The following RIMS1 variants were observed in gnomAD, a reference collection of about 807,000 sequenced individuals.
RIMS1 encodes the protein regulating synaptic membrane exocytosis 1.
RIMS1 carries 83 observed loss-of-function variants against 214.1 expected under a neutral mutation model. That is an observed-to-expected ratio of 0.39 (90% CI 0.32 to 0.47). The LOEUF is 0.47. Among genes scored for constraint, RIMS1 ranks in the 20% least tolerant of loss-of-function variants. The pLI is 0.99. For missense variants in RIMS1, 2,050 were observed against 2,161.8 expected (o/e 0.95, Z 1.03); for synonymous variants, 793 against 786.8 (o/e 1.01, Z -0.13).
chr6:72,147,582 A>G (rs1445635114), intron 4 of RIMS1, among the ~76,000 whole-genome samples: 2 of 152,172 alleles, frequency 1.3e-5, no homozygotes, highest in East Asian at 3.8e-4. Flanking sequence ...AGGGCCTCTC[A>G]TGTGTGTGTG....
intron 28 of RIMS1, among the ~76,000 whole-genome samples, chr6:72,327,539 G>A (rs2096521064): frequency 6.6e-6 from 1 of 151,732 alleles, no homozygotes; most frequent in African/African-American, 2.4e-5. Flanking sequence ...ACTTAGGAAT[G>A]GAATTGCTGG....
At chr6:72,049,568 A>G (rs1824036893) in intron 2 of RIMS1, among the ~76,000 whole-genome samples, 1 of 152,196 alleles carries the variant, frequency 6.6e-6, no homozygotes, top group African/African-American at 2.4e-5. Flanking sequence ...AGTTTCCCAA[A>G]TTGCTTAGGT....
At chr6:72,205,824 A>G (rs1367956565) in intron 6 of RIMS1, among the ~76,000 whole-genome samples, 5 of 152,154 alleles carry the variant, frequency 3.3e-5, no homozygotes, top group Non-Finnish European at 7.4e-5. Context: ...TCCAACAATA[A>G]GATACTGGTT....
At chr6:71,898,992 C>T (rs1772755144) in intron 1 of RIMS1, among the ~76,000 whole-genome samples, 2 of 152,036 alleles carry the variant, frequency 1.3e-5, no homozygotes, top group Admixed American at 1.3e-4. Context: ...TCCATGAGAA[C>T]TTATAATTAC....
chr6:72,103,732 C>A (rs532202263), intron 4 of RIMS1, among the ~76,000 whole-genome samples: 1 of 152,158 alleles, frequency 6.6e-6, no homozygotes, highest in Non-Finnish European at 1.5e-5. Flanking sequence ...TGAGGGACTG[C>A]CAAACTTTCC....
chr6:72,179,185 GTTCCTGGTAACATTTTTCTTTTTTT>G (rs371224698), intron 4 of RIMS1, among the ~76,000 whole-genome samples: 78 of 152,156 alleles, frequency 5.1e-4, no homozygotes, highest in African/African-American at 1.7e-3. Flanking sequence ...TGATTCTGTA[GTTCCTGGTAACATTTTTCTTTTTTT>G]TTCCTGGTAA....
chr6:72,217,823 A>C (rs1426657419), intron 6 of RIMS1, among the ~76,000 whole-genome samples: 1 of 152,208 alleles, frequency 6.6e-6, no homozygotes, highest in Non-Finnish European at 1.5e-5. Context: ...AGAGAGCCCA[A>C]GACACAAAGA....
chr6:72,354,530 G>A (rs1472694792), intron 29 of RIMS1, among the ~76,000 whole-genome samples: 5 of 152,188 alleles, frequency 3.3e-5, no homozygotes, highest in Non-Finnish European at 7.3e-5. Context: ...AGTAAAATGT[G>A]TAATATCTAA....
Position 72,299,225 on chromosome 6 carries a change from T to C in RIMS1, c.3850+7179T>C, listed in dbSNP as rs536139575. On this transcript the variant is annotated intron_variant, in intron 26 of 33. Coordinates refer to ENST00000521978, the MANE Select transcript of RIMS1 (RefSeq NM_014989.7). ...AATAAATTTATGATTTATATGCCTTTAGATACTATTTTTTAAGTGCATTAA... is the reference window on the plus strand; with the variant it reads ...AATAAATTTATGATTTATATGCCTTCAGATACTATTTTTTAAGTGCATTAA... 4.6e-4 allele frequency among the ~76,000 whole-genome samples: 70 copies of C among 152,056 alleles called. No homozygotes were observed. In the South Asian group the frequency reaches 7.9e-3, roughly 17 times the overall value.
chr6:72,290,406 AACAG>A (rs935329332), intron 24 of RIMS1, among the ~76,000 whole-genome samples: 4 of 152,168 alleles, frequency 2.6e-5, no homozygotes, highest in African/African-American at 7.2e-5. Context: ...AAACAAAACA[AACAG>A]ACAGGAGTCT....
intron 2 of RIMS1, among the ~76,000 whole-genome samples, chr6:72,002,700 G>C (rs957825325): frequency 6.6e-6 from 1 of 152,174 alleles, no homozygotes; most frequent in Admixed American, 6.5e-5. Context: ...TGTGAACGGG[G>C]AACTCAGGGC....
intron 2 of RIMS1, among the ~76,000 whole-genome samples, chr6:72,095,685 A>G (rs1004356375): frequency 1.3e-5 from 2 of 152,380 alleles, no homozygotes; most frequent in African/African-American, 2.4e-5. Context: ...AAAAGAAAAT[A>G]TAATGAAGTC....
At chr6:72,251,937 A>G (rs548277206) in intron 15 of RIMS1, among the ~76,000 whole-genome samples, 2 of 151,508 alleles carry the variant, frequency 1.3e-5, no homozygotes, top group South Asian at 4.2e-4. Context: ...CTGATCTTGA[A>G]CTCCTGACCT....
At chr6:72,184,174 T>C (rs568383924) in intron 6 of RIMS1, among the ~76,000 whole-genome samples, 1 of 152,334 alleles carries the variant, frequency 6.6e-6, no homozygotes, top group South Asian at 2.1e-4. Flanking sequence ...TTTAGTGCAA[T>C]ACCATTAACT....
At position 72,151,124 on chromosome 6, in the gene RIMS1, G is replaced by A. The variant is rs577049750; in HGVS notation, c.472-28451G>A. Reference sequence around the variant, plus strand: ...GTGGCGCAATCTCGGCTCACTGCACGCTCCGCCTCCCAGGTTCACACCATT... The same window carrying A: ...GTGGCGCAATCTCGGCTCACTGCACACTCCGCCTCCCAGGTTCACACCATT... On this transcript the variant is annotated intron_variant, in intron 4 of 33. Transcript: ENST00000521978. 6.6e-5 allele frequency among the ~76,000 whole-genome samples: 10 copies of A among 151,918 alleles called. No individual in the cohort carries two copies. The South Asian group carries it at 8.3e-4, about 13-fold the overall frequency.
At chr6:72,240,641 T>C (rs1267392363) in intron 9 of RIMS1, among the ~76,000 whole-genome samples, 1 of 147,020 alleles carries the variant, frequency 6.8e-6, no homozygotes, top group Non-Finnish European at 1.5e-5. Flanking sequence ...TTTTTTTTTT[T>C]TTTTTTTTTT....
At position 72,006,833 on chromosome 6, in the gene RIMS1, G is replaced by A. The variant is rs539243596; in HGVS notation, c.245+37770G>A. On this transcript the variant is annotated intron_variant, in intron 2 of 33. Transcript: ENST00000521978. ...GGTAAACAAAGCGGCCGGGAAGCTCGAACTTGGTGGAGCCCACCACAGATG... is the reference window on the plus strand; with the variant it reads ...GGTAAACAAAGCGGCCGGGAAGCTCAAACTTGGTGGAGCCCACCACAGATG... 9.2e-5 allele frequency among the ~76,000 whole-genome samples: 14 copies of A among 152,336 alleles called. No individual in the cohort carries two copies. The East Asian group carries it at 1.9e-3, about 21-fold the overall frequency.
chr6:72,375,519 A>G (rs2098348907), intron 29 of RIMS1, among the ~76,000 whole-genome samples: 1 of 152,218 alleles, frequency 6.6e-6, no homozygotes. Context: ...AGCCACATGT[A>G]GTTAGTTATC....
intron 1 of RIMS1, among the ~76,000 whole-genome samples, chr6:71,894,226 C>T (rs762509891): frequency 2.0e-5 from 3 of 152,188 alleles, no homozygotes; most frequent in Non-Finnish European, 4.4e-5. Flanking sequence ...GGGTGGATCA[C>T]TTGAGCTCAG....
Sources: allele counts gnomAD v4.1 joint callset (sites outside exome capture counted in the v4.1 genomes callset), GRCh38; gene constraint gnomAD v4.1.1; transcripts MANE v1.5; gene names NCBI Gene and HGNC (gene_info 2026-07-23, HGNC 2026-07-21).